OFD1: variants seen among roughly 807,000 people sequenced by gnomAD.
The protein encoded by OFD1 is centriole and centriolar satellite protein OFD1.
Under a neutral mutation model 81.4 loss-of-function variants are expected in OFD1, and 12 were observed. That is an observed-to-expected ratio of 0.15 (90% CI 0.09 to 0.24). The LOEUF (loss-of-function observed/expected upper bound fraction) is 0.24, where lower values mean the gene tolerates loss of function less well. Ranked by LOEUF, OFD1 falls within the 10% of genes least tolerant of loss-of-function variation. The pLI, the probability that OFD1 is intolerant of heterozygous loss-of-function variation, is 1.00. For missense variants in OFD1, 685 were observed against 733.9 expected (o/e 0.93, Z 0.77); for synonymous variants, 256 against 263.7 (o/e 0.97, Z 0.28).
chrX:13,731,187 AT>A (rs2046669864), upstream of OFD1, among the ~76,000 whole-genome samples: 1 of 112,449 alleles, frequency 8.9e-6, no homozygotes, highest in South Asian at 3.6e-4. Flanking sequence ...CATTTGAGAA[AT>A]TGCAAGAAAA....
At chrX:13,728,013 A>G in the OFD1 span, among the ~76,000 whole-genome samples, 2 of 112,281 alleles carry the variant, frequency 1.8e-5, no homozygotes, top group Admixed American at 9.4e-5. Context: ...AAATGGATAA[A>G]TTCCTGGACA....
At chrX:13,717,034 TAA>T in the OFD1 span, among the ~76,000 whole-genome samples, 1,169 of 37,895 alleles carry the variant, frequency 0.031, 10 homozygotes, top group East Asian at 0.084. Flanking sequence ...GATACTATGT[TAA>T]AAAAAAAAAA....
Position 13,734,905 on chromosome X carries a change from C to A in OFD1, c.-167C>A. On this transcript the variant is annotated 5_prime_UTR_variant, in exon 1 of 23. Transcript: ENST00000340096. ...TTGCTAGAAAACCTAGTTGGGAGTG[C>A]GAGGCAGAGAACGTTCAGCACCTTT... 9.2e-7 allele frequency: 1 copy of A among 1,091,982 alleles called. No homozygotes were observed. The allele number at this position is 1,091,982 out of a possible 1,213,427, so 90.0% of individuals were successfully genotyped here.
chrX:13,739,131 ATTTG>A, intron 5 of OFD1, 99 bp downstream of exon 5: 1 of 691,522 alleles, frequency 1.4e-6, no homozygotes, highest in Non-Finnish European at 2.2e-6. Context: ...GTAAAATTTA[ATTTG>A]ATTTAAATTA....
intron 3 of OFD1, among the ~76,000 whole-genome samples, chrX:13,737,899 G>T (rs2046934331): frequency 9.0e-6 from 1 of 111,137 alleles, no homozygotes; most frequent in African/African-American, 3.3e-5. Flanking sequence ...ACCCAGTCTG[G>T]AGTGCAATGG....
chrX:13,716,398 G>T, the OFD1 span: 8 of 785,539 alleles, frequency 1.0e-5, 1 homozygote, highest in South Asian at 1.8e-4. Context: ...AAGAAAAGTA[G>T]CCCCATAAAT....
At chrX:13,739,488 G>A (rs2047004795) in intron 5 of OFD1, among the ~76,000 whole-genome samples, 1 of 111,924 alleles carries the variant, frequency 8.9e-6, no homozygotes, top group African/African-American at 3.3e-5. Flanking sequence ...GCTCATGCCT[G>A]TAATCCCAGC....
the OFD1 span, chrX:13,716,576 T>C: frequency 2.5e-6 from 3 of 1,211,794 alleles, no homozygotes; most frequent in Non-Finnish European, 3.4e-6. Context: ...TCGTTGAACT[T>C]GTCCACAGTT....
intron 10 of OFD1, among the ~76,000 whole-genome samples, chrX:13,752,291 TTTCTC>T (rs2047532519): frequency 2.7e-5 from 3 of 112,416 alleles, no homozygotes; most frequent in Non-Finnish European, 3.8e-5. Flanking sequence ...TGTGGTAACA[TTTCTC>T]TTCAGTGTGT....
At chrX:13,734,683 A>C (rs2046777530), upstream of OFD1, 1 of 943,868 alleles carries the variant, frequency 1.1e-6, no homozygotes, top group Non-Finnish European at 1.3e-6. Context: ...TGGGCAACCA[A>C]GCTCATGCGC....
upstream of OFD1, among the ~76,000 whole-genome samples, chrX:13,731,945 A>G (rs765130764): frequency 1.8e-5 from 2 of 112,335 alleles, no homozygotes; most frequent in South Asian, 7.3e-4. Context: ...TTAACAAGAT[A>G]GAAGTTAAGA....
chrX:13,734,150 C>T (rs1415817826), upstream of OFD1: 2 of 507,489 alleles, frequency 3.9e-6, no homozygotes, highest in Admixed American at 2.7e-5. Context: ...TATCTGGAGA[C>T]ATCTTTGGTT....
At chrX:13,751,927 A>G (rs1184982648) in intron 10 of OFD1, among the ~76,000 whole-genome samples, 1 of 112,248 alleles carries the variant, frequency 8.9e-6, no homozygotes, top group Admixed American at 9.4e-5. Flanking sequence ...GATTTGCTTT[A>G]ATTTTCAGGA....
chrX:13,735,146 G>C (rs1034527671), intron 1 of OFD1, 63 bp downstream of exon 1: 19 of 1,204,455 alleles, frequency 1.6e-5, no homozygotes, highest in Non-Finnish European at 2.0e-5. Flanking sequence ...TTAAACTTTC[G>C]CCGCTAGGCC....
rs957734924 is a variant in OFD1, at chrX:13,758,164, TTG to T, written c.1543-167_1543-166del. Among the ~76,000 whole-genome samples, 3 of 110,843 alleles carry T rather than the reference TTG, an allele frequency of 2.7e-5. No individual in the cohort carries two copies. The Admixed American group carries it at 2.9e-4, about 11-fold the overall frequency. On this transcript the variant is annotated intron_variant, in intron 14 of 22. Transcript: ENST00000340096. ...CTGAAAAAGATGGTGAAGAACTTGT[TTG>T]TGTGTTCTGCTTGTGTTTTTTTTTA...
intron 5 of OFD1, among the ~76,000 whole-genome samples, chrX:13,742,050 G>A (rs2047126320): frequency 8.9e-6 from 1 of 112,273 alleles, no homozygotes; most frequent in Admixed American, 9.4e-5. Context: ...AAATTTGGAT[G>A]AGGGAAGAAA....
rs2048201241 is a variant in OFD1, at chrX:13,768,104, G to A, written c.2808G>A (p.Met936Ile). ...LKIKIKKELE[M>I]ENELEMSNQE... ...TTAAAATAAAAAAGGAATTAGAAAT[G>A]GAAAATGAATTAGAAATGAGTAATC... Residue 936 changes from methionine (M) to isoleucine (I), a missense_variant, in exon 21 of 23, where the codon ATG (methionine) becomes ATA (isoleucine). Physicochemically the swap from Met to Ile is conservative, Grantham distance 10. Coordinates refer to ENST00000340096, the MANE Select transcript of OFD1 (RefSeq NM_003611.3). The A allele has an allele frequency of 8.5e-7, 1 of 1,181,225 alleles. No homozygotes were observed. The highest frequency in any genetic ancestry group is 1.2e-6 in the Non-Finnish European group (1 of 868,625).
downstream of OFD1, chrX:13,772,921 A>C: frequency 8.3e-7 from 1 of 1,210,741 alleles, no homozygotes; most frequent in Non-Finnish European, 1.1e-6. Flanking sequence ...CCGAGACTGG[A>C]TATCTTGCAG....
At chrX:13,755,946 C>CTTTTTTTTTTTTTTTTTTTTTTTTT (rs34300430) in intron 12 of OFD1, among the ~76,000 whole-genome samples, 2 of 65,091 alleles carry the variant, frequency 3.1e-5, no homozygotes, top group African/African-American at 1.3e-4. Flanking sequence ...CTTTCTTTCC[C>CTTTTTTTTTTTTTTTTTTTTTTTTT]TTTTTTTTTT....
Sources: allele counts gnomAD v4.1 joint callset (sites outside exome capture counted in the v4.1 genomes callset), GRCh38; gene constraint gnomAD v4.1.1; transcripts MANE v1.5; gene names NCBI Gene and HGNC (gene_info 2026-07-23, HGNC 2026-07-21).